The following MACROD2 variants were observed in gnomAD, a reference collection of about 807,000 sequenced individuals.
MACROD2 encodes mono-ADP ribosylhydrolase 2.
Under a neutral mutation model 70.4 loss-of-function variants are expected in MACROD2, and 36 were observed. The ratio of observed to expected loss-of-function variants is 0.51; its 90% CI spans 0.39 to 0.68. The LOEUF is 0.68. Ranked by LOEUF, MACROD2 falls within the 30% of genes least tolerant of loss-of-function variation. MACROD2 has a pLI of 0.00. For missense variants in MACROD2, 496 were observed against 538.4 expected, an observed-to-expected ratio of 0.92 and a Z score of 0.78; for synonymous variants, 172 against 178.8, an observed-to-expected ratio of 0.96 and a Z score of 0.30.
chr20:15,259,264 G>A (rs2077227361), intron 6 of MACROD2, among the ~76,000 whole-genome samples: 1 of 151,970 alleles, frequency 6.6e-6, no homozygotes, highest in African/African-American at 2.4e-5. Context: ...CTTCCTCACT[G>A]GGCTTTGTTA....
At chr20:15,084,156 C>T (rs780821388) in intron 5 of MACROD2, among the ~76,000 whole-genome samples, 4 of 151,012 alleles carry the variant, frequency 2.6e-5, no homozygotes, top group African/African-American at 7.3e-5. Flanking sequence ...ACCTCTGCCT[C>T]CCGGGTTCAA....
At chr20:14,256,502 A>G (rs950086181) in intron 3 of MACROD2, among the ~76,000 whole-genome samples, 1 of 152,124 alleles carries the variant, frequency 6.6e-6, no homozygotes, top group Non-Finnish European at 1.5e-5. Flanking sequence ...GAAACATGTT[A>G]TATTCCCTTA....
Position 15,175,134 on chromosome 20 carries a change from C to T in MACROD2, c.419-54806C>T, listed in dbSNP as rs375092274. 1.8e-3 allele frequency among the ~76,000 whole-genome samples: 273 copies of T among 151,936 alleles called. 2 individuals carry two copies. Among genetic ancestry groups the T allele is most frequent in the African/African-American group, 5.6e-3 (233 of 41,434 alleles). ...TGAGTTCATGTCCTTTGTAGGAACACGGATGAAATTGGAAATCATCATTCT... is the reference window on the plus strand; with the variant it reads ...TGAGTTCATGTCCTTTGTAGGAACATGGATGAAATTGGAAATCATCATTCT... On this transcript the variant is annotated intron_variant, in intron 5 of 17. Transcript: ENST00000684519.
At chr20:15,417,136 G>A (rs6079807) in intron 6 of MACROD2, among the ~76,000 whole-genome samples, 25,786 of 152,144 alleles carry the variant, frequency 0.17, 2,682 homozygotes, top group Non-Finnish European at 0.24. Flanking sequence ...ATGTGGTTCT[G>A]TGACATTAGT....
At chr20:15,456,083 TGTG>T (rs2046721170) in intron 7 of MACROD2, among the ~76,000 whole-genome samples, 1 of 152,114 alleles carries the variant, frequency 6.6e-6, no homozygotes, top group South Asian at 2.1e-4. Context: ...TAATGATAAT[TGTG>T]GTATCTTGAC....
At chr20:14,941,016 G>T (rs1383204522) in intron 5 of MACROD2, among the ~76,000 whole-genome samples, 1 of 152,124 alleles carries the variant, frequency 6.6e-6, no homozygotes, top group Non-Finnish European at 1.5e-5. Context: ...GAAGCCATCA[G>T]ATCCTGGGCT....
At chr20:14,742,220 A>G (rs1360042724) in intron 5 of MACROD2, among the ~76,000 whole-genome samples, 1 of 152,168 alleles carries the variant, frequency 6.6e-6, no homozygotes, top group South Asian at 2.1e-4. Context: ...TCAGTTGTTG[A>G]TAAATGGAGT....
At chr20:14,345,571 C>T (rs1394932503) in intron 3 of MACROD2, among the ~76,000 whole-genome samples, 1 of 151,640 alleles carries the variant, frequency 6.6e-6, no homozygotes, top group East Asian at 1.9e-4. Context: ...GCTGGGACTA[C>T]AGGAACGCAC....
intron 7 of MACROD2, among the ~76,000 whole-genome samples, chr20:15,486,920 A>G (rs1247394841): frequency 5.3e-5 from 8 of 152,206 alleles, no homozygotes; most frequent in African/African-American, 1.7e-4. Flanking sequence ...TCTTATTTAC[A>G]AGACTGCGGG....
chr20:15,408,679 C>T (rs1450234540), intron 6 of MACROD2, among the ~76,000 whole-genome samples: 2 of 152,164 alleles, frequency 1.3e-5, no homozygotes, highest in Non-Finnish European at 2.9e-5. Context: ...CCAGAGAGGG[C>T]ATCTTTCAGT....
intron 5 of MACROD2, among the ~76,000 whole-genome samples, chr20:14,880,138 A>G (rs1380750373): frequency 6.6e-6 from 1 of 152,080 alleles, no homozygotes; most frequent in Non-Finnish European, 1.5e-5. Context: ...GAATCAATTC[A>G]TTTTCAGTGT....
chr20:14,921,423 TG>T (rs2074162214), intron 5 of MACROD2, among the ~76,000 whole-genome samples: 3 of 152,158 alleles, frequency 2.0e-5, no homozygotes, highest in Admixed American at 1.3e-4. Context: ...AATTTAAGAT[TG>T]GTTTTGAAAA....
intron 8 of MACROD2, among the ~76,000 whole-genome samples, chr20:15,554,907 A>G (rs1210135545): frequency 1.3e-5 from 2 of 152,236 alleles, no homozygotes; most frequent in Non-Finnish European, 2.9e-5. Context: ...ACCCTGTGCT[A>G]TGTTCATAGC....
At chr20:15,398,675 A>G (rs1355380923) in intron 6 of MACROD2, among the ~76,000 whole-genome samples, 6 of 152,154 alleles carry the variant, frequency 3.9e-5, no homozygotes, top group African/African-American at 1.2e-4. Context: ...AAAGATCTAA[A>G]TATCTTCTCT....
At position 15,913,349 on chromosome 20, in the gene MACROD2, A is replaced by G. The variant is rs182337402; in HGVS notation, c.776-19927A>G. 3.4e-3 allele frequency among the ~76,000 whole-genome samples: 513 copies of G among 152,288 alleles called. 1 individual carries two copies. The highest frequency in any genetic ancestry group is 4.9e-3 in the Non-Finnish European group (333 of 68,008). On this transcript the variant is annotated intron_variant, in intron 10 of 17. Transcript: ENST00000684519. ...TAGTTTCCCAGAAAAAGTATTGTCA[A>G]ATTACTTTTTTCTTGTTGTGTGTAT...
chr20:15,202,291 A>G (rs963236872), intron 5 of MACROD2, among the ~76,000 whole-genome samples: 3 of 152,188 alleles, frequency 2.0e-5, no homozygotes, highest in African/African-American at 7.2e-5. Context: ...CACCATTTGC[A>G]TAACTACTGC....
At chr20:15,055,951 T>A (rs886492872) in intron 5 of MACROD2, among the ~76,000 whole-genome samples, 1 of 151,920 alleles carries the variant, frequency 6.6e-6, no homozygotes, top group African/African-American at 2.4e-5. Context: ...CATGCACAGC[T>A]AATTTTTGTA....
At chr20:14,868,925 C>T (rs2073457388) in intron 5 of MACROD2, among the ~76,000 whole-genome samples, 2 of 152,108 alleles carry the variant, frequency 1.3e-5, no homozygotes, top group African/African-American at 4.8e-5. Context: ...TGGTCAAGGA[C>T]TATCGTTGAT....
At chr20:15,847,077 C>A (rs370117215) in intron 8 of MACROD2, among the ~76,000 whole-genome samples, 2 of 152,000 alleles carry the variant, frequency 1.3e-5, no homozygotes, top group East Asian at 3.9e-4. Flanking sequence ...AAATAGAATC[C>A]TTCTTAAAGT....
Sources: gnomAD v4.1 joint callset for allele counts (sites outside exome capture counted in the v4.1 genomes callset) on GRCh38, gnomAD v4.1.1 for gene constraint, MANE v1.5 for transcripts, NCBI Gene and HGNC (gene_info 2026-07-23, HGNC 2026-07-21) for gene names.